Variants in CRPPA observed in about 807,000 individuals in gnomAD.
CRPPA encodes D-ribitol-5-phosphate cytidylyltransferase.
CRPPA carries 43 observed loss-of-function variants against 52.0 expected under a neutral mutation model. That is an observed-to-expected ratio of 0.83 (90% CI 0.65 to 1.07). The LOEUF is 1.07. CRPPA is among the 50% of genes least tolerant of loss of function. The pLI is 0.00. For missense variants in CRPPA, 629 were observed against 551.7 expected, an observed-to-expected ratio of 1.14 and a Z score of -1.40; for synonymous variants, 250 against 203.5, an observed-to-expected ratio of 1.23 and a Z score of -1.94.
At chr7:16,343,871 A>G (rs1380813424) in intron 3 of CRPPA, among the ~76,000 whole-genome samples, 1 of 152,208 alleles carries the variant, frequency 6.6e-6, no homozygotes, top group East Asian at 1.9e-4. Context: ...AGTTATCAAT[A>G]GCACCTCTGA....
chr7:16,391,849 T>C (rs539712460), intron 2 of CRPPA, among the ~76,000 whole-genome samples: 1 of 152,284 alleles, frequency 6.6e-6, no homozygotes. Flanking sequence ...GTCTTAGAGA[T>C]ACTGATTAGG....
intron 9 of CRPPA, among the ~76,000 whole-genome samples, chr7:16,211,223 C>A (rs1028114881): frequency 6.6e-6 from 1 of 152,148 alleles, no homozygotes; most frequent in African/African-American, 2.4e-5. Flanking sequence ...AGTAAGCTAA[C>A]CAAACTCTAT....
intron 9 of CRPPA, among the ~76,000 whole-genome samples, chr7:16,212,600 T>C (rs187304692): frequency 1.8e-4 from 28 of 152,230 alleles, no homozygotes; most frequent in Non-Finnish European, 3.4e-4. Context: ...TGGTCACATA[T>C]GGAAAGGAAA....
intron 3 of CRPPA, among the ~76,000 whole-genome samples, chr7:16,364,570 G>A (rs567723788): frequency 6.6e-6 from 1 of 152,260 alleles, no homozygotes; most frequent in South Asian, 2.1e-4. Flanking sequence ...AGACTTGCAG[G>A]TTGCTCAGTG....
intron 8 of CRPPA, among the ~76,000 whole-genome samples, chr7:16,230,285 A>G (rs960081395): frequency 1.3e-5 from 2 of 152,172 alleles, no homozygotes; most frequent in Non-Finnish European, 1.5e-5. Context: ...ATGCTGTACC[A>G]TAAACCCTAT....
intron 9 of CRPPA, among the ~76,000 whole-genome samples, chr7:16,201,092 C>T (rs1458406751): frequency 6.6e-6 from 1 of 152,110 alleles, no homozygotes; most frequent in Non-Finnish European, 1.5e-5. Flanking sequence ...TCACATATTT[C>T]ACAAGATGAA....
chr7:16,219,284 T>G (rs1024612308), intron 8 of CRPPA, among the ~76,000 whole-genome samples: 28 of 149,504 alleles, frequency 1.9e-4, no homozygotes, highest in Admixed American at 1.3e-3. Context: ...CTGGGACGCA[T>G]TCAAAGCAGT....
chr7:16,411,636 T>A (rs2128319352), intron 1 of CRPPA, among the ~76,000 whole-genome samples: 1 of 151,664 alleles, frequency 6.6e-6, no homozygotes, highest in Admixed American at 6.6e-5. Context: ...CTCAACCACA[T>A]GTCAGTAAGT....
At chr7:16,211,164 A>G (rs1443979283) in intron 9 of CRPPA, among the ~76,000 whole-genome samples, 1 of 152,244 alleles carries the variant, frequency 6.6e-6, no homozygotes, top group Non-Finnish European at 1.5e-5. Flanking sequence ...TTTCATTTAC[A>G]TATATCTAAG....
chr7:16,388,157 A>T (rs1026618998), intron 2 of CRPPA, among the ~76,000 whole-genome samples: 6 of 151,942 alleles, frequency 3.9e-5, no homozygotes, highest in Non-Finnish European at 5.9e-5. Context: ...CTAATATTTG[A>T]TAGAGACAGG....
intron 6 of CRPPA, among the ~76,000 whole-genome samples, chr7:16,271,189 T>C (rs1249461342): frequency 6.6e-6 from 1 of 152,156 alleles, no homozygotes; most frequent in East Asian, 1.9e-4. Context: ...CAGTCCCTGT[T>C]TGTTCAGAGT....
chr7:16,308,800 A>C (rs1182024249), intron 3 of CRPPA, among the ~76,000 whole-genome samples, 173 bp from the exon 4 acceptor site: 1 of 152,250 alleles, frequency 6.6e-6, no homozygotes, highest in Non-Finnish European at 1.5e-5. Context: ...AAAACAGGGA[A>C]TAGGAATACT....
chr7:16,333,835 A>G (rs1355608761), intron 3 of CRPPA, among the ~76,000 whole-genome samples: 1 of 152,146 alleles, frequency 6.6e-6, no homozygotes, highest in Admixed American at 6.5e-5. Flanking sequence ...GCAGTGGACC[A>G]CAAAAATGAG....
intron 9 of CRPPA, among the ~76,000 whole-genome samples, chr7:16,110,432 A>C (rs1472434006): frequency 1.3e-5 from 2 of 152,144 alleles, no homozygotes; most frequent in Non-Finnish European, 2.9e-5. Flanking sequence ...TGTTAAGTTC[A>C]TATGGAACTG....
At chr7:16,378,425 A>G (rs1786968726) in intron 2 of CRPPA, among the ~76,000 whole-genome samples, 1 of 151,264 alleles carries the variant, frequency 6.6e-6, no homozygotes, top group Non-Finnish European at 1.5e-5. Flanking sequence ...CCATGTCCCT[A>G]CAAAGGACAT....
chr7:16,413,093 G>T (rs1788109390), intron 1 of CRPPA, among the ~76,000 whole-genome samples: 1 of 152,136 alleles, frequency 6.6e-6, no homozygotes. Flanking sequence ...CATTTCCATG[G>T]CAGCCTTCAC....
At position 16,278,244 on chromosome 7, in the gene CRPPA, A is replaced by C; in HGVS notation, c.836-18T>G. On this transcript the variant is annotated intron_variant, in intron 5 of 9. Transcript: ENST00000407010. ...AATTCTCTCTGAAATTAAAAAAAAA[A>C]AGTTTTAAGTTTCAAACAAAACATG... 1.5e-6 allele frequency: 2 copies of C among 1,326,038 alleles called. No homozygotes were observed. Among genetic ancestry groups the C allele is most frequent in the Non-Finnish European group, 2.1e-6 (2 of 956,008 alleles). 82.1% of individuals were successfully genotyped at this position (1,326,038 alleles called of 1,614,324 possible). A position where few individuals can be genotyped will look rare whatever the true frequency, so the allele number is the denominator to read the frequency against.
At chr7:16,318,240 C>T (rs1403515429) in intron 3 of CRPPA, among the ~76,000 whole-genome samples, 2 of 152,110 alleles carry the variant, frequency 1.3e-5, no homozygotes, top group South Asian at 2.1e-4. Context: ...TAGTAGCACC[C>T]CAACTCTCTT....
chr7:16,122,713 C>A (rs1384382427), intron 9 of CRPPA, among the ~76,000 whole-genome samples: 1 of 152,014 alleles, frequency 6.6e-6, no homozygotes, highest in Non-Finnish European at 1.5e-5. Context: ...GTAGCTTACA[C>A]TGACATTATT....
Sources: gnomAD v4.1 joint callset for allele counts (sites outside exome capture counted in the v4.1 genomes callset) on GRCh38, gnomAD v4.1.1 for gene constraint, MANE v1.5 for transcripts, NCBI Gene and HGNC (gene_info 2026-07-23, HGNC 2026-07-21) for gene names.